The following SHISA9 variants were observed in gnomAD, a reference collection of about 807,000 sequenced individuals.
SHISA9 encodes the protein shisa family member 9.
SHISA9 carries 13 observed loss-of-function variants against 38.0 expected under a neutral mutation model. The ratio of observed to expected loss-of-function variants is 0.34; its 90% CI spans 0.22 to 0.54. The LOEUF (loss-of-function observed/expected upper bound fraction) is 0.54, where lower values mean the gene tolerates loss of function less well. Ranked by LOEUF, SHISA9 falls within the 20% of genes least tolerant of loss-of-function variation. The probability of loss-of-function intolerance (pLI) is 0.91; values close to 1 mark genes in which losing one functional copy is unlikely to be tolerated. For synonymous variants in SHISA9, 275 were observed against 242.0 expected (o/e 1.14, Z -1.27); for missense variants, 538 against 575.8 (o/e 0.93, Z 0.67).
the SHISA9 span, among the ~76,000 whole-genome samples, chr16:13,296,584 A>G: frequency 6.6e-6 from 1 of 152,018 alleles, no homozygotes; most frequent in African/African-American, 2.4e-5. Flanking sequence ...ATAACCCTTC[A>G]CATACATTAC....
At chr16:13,274,220 C>A in the SHISA9 span, among the ~76,000 whole-genome samples, 3 of 152,156 alleles carry the variant, frequency 2.0e-5, no homozygotes, top group African/African-American at 7.2e-5. Context: ...GATAGGCCAT[C>A]ATCTTGAGTT....
At chr16:13,156,887 A>G (rs918589468) in intron 2 of SHISA9, among the ~76,000 whole-genome samples, 1 of 152,220 alleles carries the variant, frequency 6.6e-6, no homozygotes, top group Admixed American at 6.5e-5. Flanking sequence ...GCGCTTCTCC[A>G]CATCATGTGC....
intron 2 of SHISA9, among the ~76,000 whole-genome samples, chr16:13,041,398 T>C (rs1336608611): frequency 6.6e-6 from 1 of 152,244 alleles, no homozygotes; most frequent in East Asian, 1.9e-4. Context: ...CTGCCATTCA[T>C]CAGGGCTTTG....
the SHISA9 span, among the ~76,000 whole-genome samples, chr16:13,370,136 G>A: frequency 6.6e-6 from 1 of 152,134 alleles, no homozygotes; most frequent in Non-Finnish European, 1.5e-5. Flanking sequence ...GAGCTCAGTG[G>A]GGTATAAGGT....
chr16:13,548,001 C>G, the SHISA9 span, among the ~76,000 whole-genome samples: 4 of 152,080 alleles, frequency 2.6e-5, no homozygotes, highest in African/African-American at 7.2e-5. Flanking sequence ...TAGCATGATA[C>G]TGGTATAAAA....
Position 13,181,267 on chromosome 16 carries a change from TTATATATATATATATATATATATATATA to T in SHISA9, c.692-22108_692-22081del, listed in dbSNP as rs1156705123. Among the ~76,000 whole-genome samples, 41 of 80,102 alleles carry T rather than the reference TTATATATATATATATATATATATATATA, an allele frequency of 5.1e-4. 1 individual carries two copies. Among genetic ancestry groups the T allele is most frequent in the Admixed American group, 1.2e-3 (8 of 6,876 alleles). The allele number at this position is 80,102 out of a possible 152,430, so 52.6% of individuals were successfully genotyped here. On this transcript the variant is annotated intron_variant, in intron 2 of 4. Transcript: ENST00000558583. ...AGAAAGTCTTTCCTAAAATAAAATT[TTATATATATATATATATATATATATATA>T]TATATATATATATATATACACACAC...
chr16:13,022,348 C>A (rs865775171), intron 2 of SHISA9, among the ~76,000 whole-genome samples: 4 of 141,168 alleles, frequency 2.8e-5, no homozygotes, highest in Non-Finnish European at 6.2e-5. Flanking sequence ...TTTTTTTTTT[C>A]GAGACAGAGT....
In SHISA9 at chr16:13,099,985, CG is replaced by C. The variant is rs2073863033; in HGVS notation, c.692-103408del. Reference sequence around the variant, plus strand: ...AGGCAGGCATCAAGAATCCAGACACCGACAGGAGCCAGGCTGGATGGGACTC... The same window carrying C: ...AGGCAGGCATCAAGAATCCAGACACCACAGGAGCCAGGCTGGATGGGACTC... On this transcript the variant is annotated intron_variant, in intron 2 of 4. Transcript: ENST00000558583. Among the ~76,000 whole-genome samples, 3 of 152,150 alleles carry C rather than the reference CG, an allele frequency of 2.0e-5. No homozygotes were observed. In the South Asian group the frequency reaches 6.2e-4, roughly 32 times the overall value.
At chr16:13,008,692 T>C (rs1390056221) in intron 2 of SHISA9, among the ~76,000 whole-genome samples, 1 of 131,530 alleles carries the variant, frequency 7.6e-6, no homozygotes, top group African/African-American at 2.9e-5. Context: ...TCTCTCTCTC[T>C]CTTTCCTGGC....
intron 4 of SHISA9, among the ~76,000 whole-genome samples, 183 bp from the exon 5 acceptor site, chr16:13,234,847 G>T (rs1282901252): frequency 6.6e-6 from 1 of 151,964 alleles, no homozygotes; most frequent in East Asian, 1.9e-4. Flanking sequence ...TGTGAAAAGG[G>T]CATGGTGCTG....
chr16:13,468,746 A>G, the SHISA9 span, among the ~76,000 whole-genome samples: 7 of 150,356 alleles, frequency 4.7e-5, no homozygotes, highest in African/African-American at 1.5e-4. Context: ...GGAGGCTGAG[A>G]TGGGAGGATT....
chr16:13,020,217 G>A (rs890453748), intron 2 of SHISA9, among the ~76,000 whole-genome samples: 4 of 151,478 alleles, frequency 2.6e-5, no homozygotes, highest in Non-Finnish European at 5.9e-5. Context: ...GTGGAGACAG[G>A]ATTTCACCAT....
intron 2 of SHISA9, among the ~76,000 whole-genome samples, chr16:13,118,984 G>C (rs908866977): frequency 6.6e-6 from 1 of 151,886 alleles, no homozygotes; most frequent in Non-Finnish European, 1.5e-5. Context: ...CACTCACCTC[G>C]GCCTCCCAAA....
At chr16:13,164,234 T>C (rs778421147) in intron 2 of SHISA9, among the ~76,000 whole-genome samples, 5 of 152,082 alleles carry the variant, frequency 3.3e-5, no homozygotes, top group Non-Finnish European at 7.4e-5. Context: ...TATGCATCTA[T>C]TGAAATGATC....
chr16:13,541,735 C>G, the SHISA9 span, among the ~76,000 whole-genome samples: 1 of 152,140 alleles, frequency 6.6e-6, no homozygotes, highest in African/African-American at 2.4e-5. Context: ...GAACTCAACT[C>G]TTGTTGAAAA....
At chr16:13,273,951 C>CTACCA in the SHISA9 span, among the ~76,000 whole-genome samples, 1 of 152,034 alleles carries the variant, frequency 6.6e-6, no homozygotes, top group South Asian at 2.1e-4. Flanking sequence ...CTGAAAATAC[C>CTACCA]ACTGTTGAAA....
intron 2 of SHISA9, among the ~76,000 whole-genome samples, chr16:13,006,077 C>T (rs564632634): frequency 1.2e-4 from 19 of 152,312 alleles, no homozygotes; most frequent in African/African-American, 3.4e-4. Context: ...CACACACACA[C>T]GCGCACACTC....
intron 2 of SHISA9, among the ~76,000 whole-genome samples, chr16:13,111,747 A>G (rs976829107): frequency 1.3e-5 from 2 of 152,204 alleles, no homozygotes; most frequent in Admixed American, 6.5e-5. Context: ...TAAGTATTCA[A>G]TGCAGTATTG....
chr16:13,021,823 C>G (rs2072858316), intron 2 of SHISA9, among the ~76,000 whole-genome samples: 1 of 152,242 alleles, frequency 6.6e-6, no homozygotes, highest in Non-Finnish European at 1.5e-5. Flanking sequence ...AATAACTGAC[C>G]ATTCTTTTCT....
Sources: gnomAD v4.1 joint callset for allele counts (sites outside exome capture counted in the v4.1 genomes callset) on GRCh38, gnomAD v4.1.1 for gene constraint, MANE v1.5 for transcripts, NCBI Gene and HGNC (gene_info 2026-07-23, HGNC 2026-07-21) for gene names.